FBXO42: variants seen among roughly 807,000 people sequenced by gnomAD.
The protein encoded by FBXO42 is F-box protein 42.
In FBXO42, 12 loss-of-function variants were observed where a neutral mutation model predicts 71.7. The observed-to-expected ratio is 0.17, with a 90% CI of 0.11 to 0.27. FBXO42 has a LOEUF of 0.27. Among genes scored for constraint, FBXO42 ranks in the 10% least tolerant of loss-of-function variants. The pLI is 1.00. For missense variants in FBXO42, 707 were observed against 911.9 expected, an observed-to-expected ratio of 0.78 and a Z score of 2.89; for synonymous variants, 325 against 327.5, an observed-to-expected ratio of 0.99 and a Z score of 0.08.
At chr1:16,257,601 C>T (rs1287732738) in intron 4 of FBXO42, among the ~76,000 whole-genome samples, 1 of 152,182 alleles carries the variant, frequency 6.6e-6, no homozygotes, top group African/African-American at 2.4e-5. Context: ...TTTCCCCATC[C>T]CTCACTCTAC....
chr1:16,255,676 T>C (rs748192955), intron 6 of FBXO42, 35 bp downstream of exon 6: 2 of 1,563,312 alleles, frequency 1.3e-6, no homozygotes, highest in South Asian at 2.2e-5. Flanking sequence ...AGTATTTACC[T>C]TCAGGCTCAT....
At position 16,253,728 on chromosome 1, in the gene FBXO42, G is replaced by C. The variant is rs1327112983; in HGVS notation, c.771C>G (p.Ser257Arg). ...CAAGGTCAAGGACCCAGACATCATT[G>C]CTCCTGTGAATTAAGGACAGAAGGA... The part of the protein sequence containing the change: ...FGGSLGSRQM[S>R]NDVWVLDLEQ... Residue 257 changes from serine to arginine, a missense_variant, in exon 7 of 10, where the codon AGC (serine) becomes AGG (arginine). Ser to Arg is a moderately radical substitution (Grantham distance 110). This residue lies in a region of FBXO42 where 482 missense variants were observed against 587.1 expected (regional missense o/e 0.82). Coordinates refer to ENST00000375592, the MANE Select transcript of FBXO42 (RefSeq NM_018994.3). 1.2e-6 allele frequency: 2 copies of C among 1,614,028 alleles called. No homozygotes were observed. The highest frequency in any genetic ancestry group is 1.1e-5 in the South Asian group (1 of 91,056).
chr1:16,296,722 C>T lies in FBXO42; in HGVS notation c.368-1805G>A, dbSNP rs116752883. Among the ~76,000 whole-genome samples, 411 of 151,690 alleles carry T rather than the reference C, an allele frequency of 2.7e-3. 2 individuals carry two copies. The highest frequency in any genetic ancestry group is 9.5e-3 in the African/African-American group (394 of 41,362). ...CACAGATTCATTGCCCTGTGCATGG[C>T]TTTAATGATCATCTAGCATATTTGT... On this transcript the variant is annotated intron_variant, in intron 3 of 9. Coordinates refer to ENST00000375592, the MANE Select transcript of FBXO42 (RefSeq NM_018994.3).
chr1:16,249,346 G>A lies in FBXO42; in HGVS notation c.*1324C>T, dbSNP rs934495972. The stretch of plus-strand genomic sequence containing the variant: ...AAGCCCTATTTGGGTGACACATGAA[G>A]AAGACAAGTGCAAAGGATGGAGCTG... On this transcript the variant is annotated 3_prime_UTR_variant, in exon 10 of 10. Transcript: ENST00000375592. The A allele has an allele frequency of 1.3e-5, 2 of 152,176 alleles. No individual in the cohort carries two copies. The highest frequency in any genetic ancestry group is 4.8e-5 in the African/African-American group (2 of 41,426). 9.4% of individuals were successfully genotyped at this position (152,176 alleles called of 1,614,324 possible). A position where few individuals can be genotyped will look rare whatever the true frequency, so the allele number is the denominator to read the frequency against.
chr1:16,256,499 C>T, intron 5 of FBXO42, 107 bp downstream of exon 5: 1 of 1,225,276 alleles, frequency 8.2e-7, no homozygotes, highest in South Asian at 1.5e-5. Flanking sequence ...AAAGAGTCCA[C>T]AGCTTTCCAT....
intron 4 of FBXO42, chr1:16,294,464 T>C (rs2082109454): frequency 3.7e-6 from 1 of 272,020 alleles, no homozygotes; most frequent in Non-Finnish European, 7.1e-6. Context: ...CACGACTCTG[T>C]GTTTCTGTTC....
intron 2 of FBXO42, among the ~76,000 whole-genome samples, chr1:16,311,991 T>G (rs778820811): frequency 1.6e-4 from 25 of 151,836 alleles, no homozygotes; most frequent in Admixed American, 7.9e-4. Flanking sequence ...AGTGAATGGG[T>G]AAACAAACTG....
chr1:16,265,101 T>C (rs1017175594), intron 4 of FBXO42, among the ~76,000 whole-genome samples: 16 of 152,216 alleles, frequency 1.1e-4, no homozygotes. Context: ...AATGTATGTA[T>C]ATATTTTTTG....
intron 3 of FBXO42, among the ~76,000 whole-genome samples, chr1:16,299,938 C>T (rs193140595): frequency 1.3e-5 from 2 of 152,136 alleles, no homozygotes; most frequent in Non-Finnish European, 2.9e-5. Flanking sequence ...CCACCATGCC[C>T]GGCCACACTC....
intron 1 of FBXO42, among the ~76,000 whole-genome samples, chr1:16,342,120 G>A (rs191046716): frequency 3.3e-5 from 5 of 151,876 alleles, no homozygotes; most frequent in African/African-American, 1.2e-4. Context: ...CTACAGGCCA[G>A]GTGCAGTGGC....
At chr1:16,256,222 G>A (rs2081643192) in intron 5 of FBXO42, among the ~76,000 whole-genome samples, 1 of 152,158 alleles carries the variant, frequency 6.6e-6, no homozygotes, top group South Asian at 2.1e-4. Flanking sequence ...ATATATGTTT[G>A]AAAAACAATT....
Position 16,352,266 on chromosome 1 carries a change from C to A in FBXO42, c.-29G>T. 1 of 395,630 alleles carries A rather than the reference C, an allele frequency of 2.5e-6. No individual in the cohort carries two copies. Among genetic ancestry groups the A allele is most frequent in the Non-Finnish European group, 4.5e-6 (1 of 224,454 alleles). 24.5% of individuals were successfully genotyped at this position (395,630 alleles called of 1,614,324 possible). A position where few individuals can be genotyped will look rare whatever the true frequency, so the allele number is the denominator to read the frequency against. ...AGGAGAGGCCTCACCTGGCCCAGCC[C>A]GCTCCACGCTCTCGGGTTCGCTCCG... On this transcript the variant is annotated 5_prime_UTR_variant, in exon 1 of 10. Coordinates refer to ENST00000375592, the MANE Select transcript of FBXO42 (RefSeq NM_018994.3).
Position 16,282,842 on chromosome 1 carries a change from G to A in FBXO42, c.502+11941C>T, listed in dbSNP as rs1184226852. ...CTAAAAATACAAAAATTAGCCGGGC[G>A]TGGTGGTGGGTGCCTGTAATCCCAG... On this transcript the variant is annotated intron_variant, in intron 4 of 9. Transcript: ENST00000375592. 2.6e-5 allele frequency among the ~76,000 whole-genome samples: 4 copies of A among 152,060 alleles called. No homozygotes were observed. The East Asian group carries it at 7.7e-4, about 29-fold the overall frequency.
intron 4 of FBXO42, among the ~76,000 whole-genome samples, chr1:16,286,394 C>T (rs2082022473): frequency 6.6e-6 from 1 of 152,158 alleles, no homozygotes. Flanking sequence ...GCACCTTCTT[C>T]CCAGGGCAGC....
At chr1:16,338,545 T>G (rs1352802965) in intron 1 of FBXO42, among the ~76,000 whole-genome samples, 1 of 152,098 alleles carries the variant, frequency 6.6e-6, no homozygotes, top group Admixed American at 6.6e-5. Flanking sequence ...CTGTTCTGAC[T>G]CTAGCCTTTT....
chr1:16,334,364 C>T (rs936992687), intron 1 of FBXO42, among the ~76,000 whole-genome samples: 4 of 133,816 alleles, frequency 3.0e-5, no homozygotes, highest in South Asian at 2.5e-4. Context: ...ACCCGGGAGG[C>T]GGAGCTTGCA....
chr1:16,270,743 C>T (rs1467864589), intron 4 of FBXO42, among the ~76,000 whole-genome samples: 1 of 123,620 alleles, frequency 8.1e-6, no homozygotes, highest in Non-Finnish European at 1.6e-5. Flanking sequence ...CCCTTACTTA[C>T]CATGAGATAC....
In FBXO42 at chr1:16,256,684, G is replaced by A; in HGVS notation, c.578C>T (p.Thr193Met). The change falls in exon 5 of 10, where the codon ACG (threonine) becomes ATG (methionine). Residue 193 changes from threonine (T) to methionine (M), a missense_variant. Thr to Met is a moderately conservative substitution (Grantham distance 81, BLOSUM62 -1). This residue lies in a region of FBXO42 where 10 missense variants were observed against 40.2 expected (regional missense o/e 0.25). Coordinates refer to ENST00000375592, the MANE Select transcript of FBXO42 (RefSeq NM_018994.3). ...GTGTAGGGGATAAGGGCTTGGCCGC[G>A]TCCAGCCACCAAACAGCACTAGCAA... ...KDLLVLFGGWTRPSPYPLHQP... is the reference protein window; with the variant it reads ...KDLLVLFGGWMRPSPYPLHQP... 1.9e-6 allele frequency: 3 copies of A among 1,614,160 alleles called. No homozygotes were observed. The highest frequency in any genetic ancestry group is 1.1e-5 in the South Asian group (1 of 91,084).
intron 2 of FBXO42, among the ~76,000 whole-genome samples, chr1:16,312,087 G>A (rs2082318282): frequency 6.6e-6 from 1 of 152,044 alleles, no homozygotes; most frequent in Non-Finnish European, 1.5e-5. Context: ...AGCCGGGCAC[G>A]GTGGCTCACA....
Sources: gnomAD v4.1 joint callset for allele counts (sites outside exome capture counted in the v4.1 genomes callset) on GRCh38, gnomAD v4.1.1 for gene constraint, gnomAD v4.1.1 regional missense constraint, MANE v1.5 for transcripts, NCBI Gene and HGNC (gene_info 2026-07-23, HGNC 2026-07-21) for gene names.